HCN4: variants seen among roughly 807,000 people sequenced by gnomAD.
HCN4 encodes the protein potassium/sodium hyperpolarization-activated cyclic nucleotide-gated channel 4.
In HCN4, 29 loss-of-function variants were observed where a neutral mutation model predicts 76.9. The ratio of observed to expected loss-of-function variants is 0.38; its 90% confidence interval spans 0.28 to 0.51. The LOEUF is 0.51. Ranked by LOEUF, HCN4 falls within the 20% of genes least tolerant of loss-of-function variation. The pLI, the probability that HCN4 is intolerant of heterozygous loss-of-function variation, is 0.90. For missense variants in HCN4, 1,416 were observed against 1,715.2 expected, an observed-to-expected ratio of 0.83 and a Z score of 3.08; for synonymous variants, 772 against 762.5, an observed-to-expected ratio of 1.01 and a Z score of -0.21.
At position 73,322,819 on chromosome 15, in the gene HCN4, C is replaced by A. The variant is rs1415986674; in HGVS notation, c.3274G>T (p.Ala1092Ser). 1 of 1,530,126 alleles carries A rather than the reference C, an allele frequency of 6.5e-7. No homozygotes were observed. The highest frequency in any genetic ancestry group is 2.3e-5 in the East Asian group (1 of 43,440). 94.8% of individuals were successfully genotyped at this position (1,530,126 alleles called of 1,614,324 possible). The change falls in exon 8 of 8, where the codon GCC becomes TCC. Residue 1092 changes from alanine (A) to serine (S), a missense_variant. Physicochemically the swap from Ala to Ser is moderately conservative, Grantham distance 99 (BLOSUM62 1). Around this residue, in one of 6 missense-constraint regions of HCN4, gnomAD observed 633 missense variants for 579.8 expected, o/e 1.09. Coordinates refer to ENST00000261917, the MANE Select transcript of HCN4 (RefSeq NM_005477.3). ...DLKLISASQP[A>S]LPQDGAQTLR... ...GTCTGCGCCCCGTCCTGAGGCAGGG[C>A]TGGCTGAGACGCGGAGATGAGCTTG...
chr15:73,368,357 C>T lies in HCN4; in HGVS notation c.-87G>A. 1.0e-6 allele frequency: 1 copy of T among 966,912 alleles called. No individual in the cohort carries two copies. Among genetic ancestry groups the T allele is most frequent in the Non-Finnish European group, 1.4e-6 (1 of 725,960 alleles). 59.9% of individuals were successfully genotyped at this position (966,912 alleles called of 1,614,324 possible). On this transcript the variant is annotated 5_prime_UTR_variant, in exon 1 of 8. Transcript: ENST00000261917. The surrounding 1 kb of genome is among the most constrained non-coding windows in gnomAD (Gnocchi z 6.9). ...CAGGTCCGCCCGCCGGTCAGTCCGC[C>T]CGTGGGGACGCGTCCTTTGCCGCCG... is the stretch of plus-strand genomic sequence containing the variant.
Position 73,325,143 on chromosome 15 carries a change from G to A in HCN4, c.1790C>T (p.Ala597Val), listed in dbSNP as rs1478248582. 4 of 1,614,190 alleles carry A rather than the reference G, an allele frequency of 2.5e-6. No homozygotes were observed. Among genetic ancestry groups the A allele is most frequent in the African/African-American group, 1.3e-5 (1 of 75,054 alleles). ...RKLVASMPLF[A>V]NADPNFVTSM... The stretch of plus-strand genomic sequence containing the variant: ...CGTCACGAAGTTGGGGTCCGCATTG[G>A]CAAACAGTGGCATGGAGGCCACCAG... The change falls in exon 6 of 8, where the codon GCC (alanine) becomes GTC (valine). Residue 597 changes from alanine to valine, a missense_variant. Physicochemically the swap from Ala to Val is moderately conservative, Grantham distance 64 (BLOSUM62 0). Transcript: ENST00000261917. The surrounding 1 kb of genome is among the most constrained non-coding windows in gnomAD (Gnocchi z 7.4).
rs1595837918 is a variant in HCN4 at position 73,368,572 on chromosome 15, G to A, written c.-302C>T. On this transcript the variant is annotated 5_prime_UTR_variant, in exon 1 of 8. Transcript: ENST00000261917. This position sits in a 1 kb window ranked among gnomAD's most constrained non-coding sequence, Gnocchi z 6.9. Reference sequence around the variant, plus strand: ...GTTCAGGGGCGCGGCGCGCCGCCCGGCTCCAGGCGCCCCGCCCCCGCGGGG... The same window carrying A: ...GTTCAGGGGCGCGGCGCGCCGCCCGACTCCAGGCGCCCCGCCCCCGCGGGG... 9.2e-6 allele frequency: 2 copies of A among 218,326 alleles called. No individual in the cohort carries two copies. Among genetic ancestry groups the A allele is most frequent in the Admixed American group, 5.9e-5 (1 of 17,030 alleles). The allele number at this position is 218,326 out of a possible 1,614,324, so 13.5% of individuals were successfully genotyped here.
chr15:73,361,947 C>T (rs1045254391), intron 1 of HCN4, among the ~76,000 whole-genome samples: 3 of 152,234 alleles, frequency 2.0e-5, no homozygotes, highest in African/African-American at 7.2e-5. Flanking sequence ...CCAGAAATCT[C>T]ATTGCAATGC....
chr15:73,353,528 A>G (rs1019916289), intron 1 of HCN4, among the ~76,000 whole-genome samples: 1 of 152,134 alleles, frequency 6.6e-6, no homozygotes, highest in Non-Finnish European at 1.5e-5. Context: ...CGTGACACGC[A>G]TGAGGATGCC....
At chr15:73,351,442 T>C (rs2043054780) in intron 1 of HCN4, among the ~76,000 whole-genome samples, 2 of 152,158 alleles carry the variant, frequency 1.3e-5, no homozygotes, top group South Asian at 4.1e-4. Context: ...CAGACAGAGC[T>C]TCACAGCTTC....
rs1173908310 is a variant in HCN4 at position 73,368,876 on chromosome 15, C to T, written c.-606G>A. ...CAGCGGCCGCCTCCCCCGAAGCGCC[C>T]TCCGGCAGCGCTCGGGCTCCCGCGC... On this transcript the variant is annotated 5_prime_UTR_variant, in exon 1 of 8. Coordinates refer to ENST00000261917, the MANE Select transcript of HCN4 (RefSeq NM_005477.3). The surrounding 1 kb of genome is among the most constrained non-coding windows in gnomAD (Gnocchi z 6.9). 1 of 152,184 alleles carries T rather than the reference C, an allele frequency of 6.6e-6. No individual in the cohort carries two copies. The highest frequency in any genetic ancestry group is 6.5e-5 in the Admixed American group (1 of 15,286). 9.4% of individuals were successfully genotyped at this position (152,184 alleles called of 1,614,324 possible). A position where few individuals can be genotyped will look rare whatever the true frequency, so the allele number is the denominator to read the frequency against.
In HCN4 at chr15:73,322,832, G is replaced by T. The variant is rs537717251; in HGVS notation, c.3261C>A (p.Ser1087=). Residue 1087 remains serine (S), a synonymous_variant, in exon 8 of 8, where the codon TCC becomes TCA. Coordinates refer to ENST00000261917, the MANE Select transcript of HCN4 (RefSeq NM_005477.3). ...CCTGAGGCAGGGCTGGCTGAGACGCGGAGATGAGCTTGAGGTCCTGGGTGA... is the reference window on the plus strand; with the variant it reads ...CCTGAGGCAGGGCTGGCTGAGACGCTGAGATGAGCTTGAGGTCCTGGGTGA... ...GRLTQDLKLI[S]ASQPALPQDG... is the part of the protein sequence containing the mutation. 6 of 1,523,002 alleles carry T rather than the reference G, an allele frequency of 3.9e-6. No homozygotes were observed. Among genetic ancestry groups the T allele is most frequent in the Admixed American group, 2.1e-5 (1 of 47,902 alleles). 94.3% of individuals were successfully genotyped at this position (1,523,002 alleles called of 1,614,324 possible). A position where few individuals can be genotyped will look rare whatever the true frequency, so the allele number is the denominator to read the frequency against.
In HCN4 at chr15:73,324,940, CCAGGGCT is replaced by C; in HGVS notation, c.1978+8_1978+14del. The C allele has an allele frequency of 6.2e-7, 1 of 1,613,752 alleles. No individual in the cohort carries two copies. Among genetic ancestry groups the C allele is most frequent in the South Asian group, 1.1e-5 (1 of 91,048 alleles). ...GAGCAGCTGCCCTGTCCCCCAGGGC[CCAGGGCT>C]GCCTCACCTCCAAAGTAGGAGCCGT... is the stretch of plus-strand genomic sequence containing the variant. On this transcript the variant is annotated splice_region_variant and intron_variant, in intron 6 of 7. Coordinates refer to ENST00000261917, the MANE Select transcript of HCN4 (RefSeq NM_005477.3).
At chr15:73,359,455 G>A (rs145731820) in intron 1 of HCN4, among the ~76,000 whole-genome samples, 1 of 152,206 alleles carries the variant, frequency 6.6e-6, no homozygotes, top group African/African-American at 2.4e-5. Flanking sequence ...ACCAGAGGCA[G>A]CTGGCTCAGA....
chr15:73,363,467 G>T (rs759273208), intron 1 of HCN4, among the ~76,000 whole-genome samples: 2 of 152,330 alleles, frequency 1.3e-5, no homozygotes, highest in Non-Finnish European at 2.9e-5. Context: ...AGGCTCCAGA[G>T]AAGGTGAGTG....
chr15:73,355,750 T>C (rs1475950529), intron 1 of HCN4, among the ~76,000 whole-genome samples: 1 of 151,900 alleles, frequency 6.6e-6, no homozygotes, highest in East Asian at 1.9e-4. Flanking sequence ...CCAGTGAATA[T>C]GTACATGCGC....
chr15:73,361,272 G>T (rs2043103702), intron 1 of HCN4, among the ~76,000 whole-genome samples: 1 of 152,188 alleles, frequency 6.6e-6, no homozygotes, highest in Non-Finnish European at 1.5e-5. Flanking sequence ...TCAGATCCGA[G>T]TGGGTGCTGA....
rs764196629 is a variant in HCN4 at position 73,367,918 on chromosome 15, C to CTGCTGCCGCTCCCCG, written c.338_352dup (p.Thr113_Ser117dup). Reference sequence around the variant, plus strand: ...CGCGGAGTCATGCAGGTGTCCGTGACTGCTGCCGCTCCCCGTGCCGCCGCT... The same window carrying CTGCTGCCGCTCCCCG: ...CGCGGAGTCATGCAGGTGTCCGTGACTGCTGCCGCTCCCCGTGCTGCCGCTCCCCGTGCCGCCGCT... On this transcript the variant is annotated inframe_insertion, in exon 1 of 8. Coordinates refer to ENST00000261917, the MANE Select transcript of HCN4 (RefSeq NM_005477.3). This position sits in a 1 kb window ranked among gnomAD's most constrained non-coding sequence, Gnocchi z 7.5. 1 of 1,378,988 alleles carries CTGCTGCCGCTCCCCG rather than the reference C, an allele frequency of 7.3e-7. No homozygotes were observed. Among genetic ancestry groups the CTGCTGCCGCTCCCCG allele is most frequent in the Non-Finnish European group, 9.3e-7 (1 of 1,069,732 alleles). 85.4% of individuals were successfully genotyped at this position (1,378,988 alleles called of 1,614,324 possible).
intron 7 of HCN4, 27 bp downstream of exon 7, chr15:73,324,062 G>T (rs763618010): frequency 6.2e-7 from 1 of 1,608,254 alleles, no homozygotes; most frequent in Non-Finnish European, 8.5e-7. Context: ...CCCCCCACCT[G>T]CCCCGCCTGT....
intron 1 of HCN4, among the ~76,000 whole-genome samples, chr15:73,357,256 G>A (rs1160517910): frequency 2.0e-5 from 3 of 152,188 alleles, no homozygotes; most frequent in Non-Finnish European, 4.4e-5. Context: ...GCAGCACAGA[G>A]CCAAGTCTTC....
intron 1 of HCN4, among the ~76,000 whole-genome samples, chr15:73,363,188 A>G (rs2043113546): frequency 6.6e-6 from 1 of 152,230 alleles, no homozygotes; most frequent in Non-Finnish European, 1.5e-5. Context: ...GGCCCCAGGA[A>G]AGCCCAGCAA....
intron 1 of HCN4, among the ~76,000 whole-genome samples, chr15:73,358,482 C>T (rs774089888): frequency 7.9e-5 from 12 of 152,200 alleles, no homozygotes; most frequent in Non-Finnish European, 1.6e-4. Context: ...CCAGGCCACA[C>T]GCTCAGTGAC....
chr15:73,350,765 G>A (rs1440761640), intron 1 of HCN4, among the ~76,000 whole-genome samples: 1 of 151,946 alleles, frequency 6.6e-6, no homozygotes. Flanking sequence ...TTAATCTACA[G>A]AAGATTCCCT....
Sources: allele counts gnomAD v4.1 joint callset (sites outside exome capture counted in the v4.1 genomes callset), GRCh38; gene constraint gnomAD v4.1.1; regional missense constraint gnomAD v4.1.1; non-coding constraint Gnocchi (gnomAD v3.1); transcripts MANE v1.5; gene names NCBI Gene and HGNC (gene_info 2026-07-23, HGNC 2026-07-21).